Variants in SDHAF3 observed in about 807,000 individuals in gnomAD.
SDHAF3 encodes the protein succinate dehydrogenase assembly factor 3, mitochondrial.
Under a neutral mutation model 11.5 loss-of-function variants are expected in SDHAF3, and 18 were observed. The ratio of observed to expected loss-of-function variants is 1.56; its 90% confidence interval spans 1.08 to 2.32. SDHAF3 has a LOEUF of 2.32. SDHAF3 is among the 30% of genes most tolerant of loss of function. SDHAF3 has a pLI of 0.00. For synonymous variants in SDHAF3, 72 were observed against 59.3 expected (o/e 1.21, Z -0.99); for missense variants, 200 against 154.4 (o/e 1.30, Z -1.57).
chr7:97,148,929 T>TA (rs1789175694), intron 1 of SDHAF3, among the ~76,000 whole-genome samples: 2 of 147,582 alleles, frequency 1.4e-5, no homozygotes, highest in African/African-American at 5.0e-5. Flanking sequence ...TAGATTTGTG[T>TA]CTTTTTTTTT....
chr7:97,123,766 T>C (rs1449991636), intron 1 of SDHAF3, among the ~76,000 whole-genome samples: 6 of 151,480 alleles, frequency 4.0e-5, no homozygotes, highest in South Asian at 2.1e-4. Flanking sequence ...GCTTTTCTTA[T>C]GTTTGTTTAC....
chr7:97,130,707 G>T (rs2115635177), intron 1 of SDHAF3, among the ~76,000 whole-genome samples: 1 of 152,338 alleles, frequency 6.6e-6, no homozygotes, highest in South Asian at 2.1e-4. Flanking sequence ...GGAAGAATAG[G>T]GTTATGGGGA....
chr7:97,125,374 T>G (rs1791559795), intron 1 of SDHAF3, among the ~76,000 whole-genome samples: 1 of 152,212 alleles, frequency 6.6e-6, no homozygotes, highest in Non-Finnish European at 1.5e-5. Context: ...GTGCTATAAA[T>G]TTCCCTCTAA....
rs187773830 is a variant in SDHAF3, at chr7:97,159,706, C to T, written c.175-21306C>T. On this transcript the variant is annotated intron_variant, in intron 1 of 1. Coordinates refer to ENST00000432641, the MANE Select transcript of SDHAF3 (RefSeq NM_020186.3). Reference sequence around the variant, plus strand: ...GGCTGATGTCTTCAAGGCCACTGGTCATCTGGGGAACATGGAAGTAGATAA... The same window carrying T: ...GGCTGATGTCTTCAAGGCCACTGGTTATCTGGGGAACATGGAAGTAGATAA... 1.7e-4 allele frequency among the ~76,000 whole-genome samples: 26 copies of T among 152,200 alleles called. No homozygotes were observed. The East Asian group carries it at 5.0e-3, about 29-fold the overall frequency.
intron 1 of SDHAF3, among the ~76,000 whole-genome samples, chr7:97,163,072 C>CA (rs972082123): frequency 4.0e-5 from 6 of 151,308 alleles, no homozygotes; most frequent in African/African-American, 1.5e-4. Flanking sequence ...AATTTGGGTG[C>CA]ATATATATTT....
intron 1 of SDHAF3, among the ~76,000 whole-genome samples, chr7:97,174,810 A>C (rs1390787625): frequency 6.6e-6 from 1 of 152,118 alleles, no homozygotes; most frequent in Non-Finnish European, 1.5e-5. Flanking sequence ...TGATCATTTC[A>C]TTGAGGTGGT....
chr7:97,175,212 GAAGT>G lies in SDHAF3; in HGVS notation c.175-5797_175-5794del, dbSNP rs1459850282. On this transcript the variant is annotated intron_variant, in intron 1 of 1. Transcript: ENST00000432641. ...TAATAGATAAATGAGTTCTAAAATT[GAAGT>G]AATTTAAGATAATTTATAATTTGAT... 2.6e-5 allele frequency among the ~76,000 whole-genome samples: 4 copies of G among 152,042 alleles called. No homozygotes were observed. The East Asian group carries it at 7.7e-4, about 29-fold the overall frequency.
At chr7:97,156,139 A>G (rs528523404) in intron 1 of SDHAF3, among the ~76,000 whole-genome samples, 1 of 152,278 alleles carries the variant, frequency 6.6e-6, no homozygotes, top group East Asian at 1.9e-4. Flanking sequence ...CACCCAGGAG[A>G]TCACATTATA....
intron 1 of SDHAF3, among the ~76,000 whole-genome samples, chr7:97,128,043 G>T (rs1791603725): frequency 6.6e-6 from 1 of 151,624 alleles, no homozygotes. Context: ...TGGGATTACA[G>T]GCGTCCACCA....
At chr7:97,162,342 C>T (rs559658423) in intron 1 of SDHAF3, among the ~76,000 whole-genome samples, 1 of 152,188 alleles carries the variant, frequency 6.6e-6, no homozygotes, top group South Asian at 2.1e-4. Context: ...CTCCTGGCTT[C>T]ATTGATTTTT....
At chr7:97,131,707 C>A (rs2115637804) in intron 1 of SDHAF3, among the ~76,000 whole-genome samples, 1 of 152,108 alleles carries the variant, frequency 6.6e-6, no homozygotes, top group African/African-American at 2.4e-5. Context: ...TGTGATTGGT[C>A]ACATTAATAT....
chr7:97,156,069 A>C (rs1051018868), intron 1 of SDHAF3, among the ~76,000 whole-genome samples: 3 of 152,164 alleles, frequency 2.0e-5, no homozygotes, highest in Non-Finnish European at 4.4e-5. Flanking sequence ...CATTTAGCCT[A>C]GTCTTTATTC....
chr7:97,118,524 C>T (rs1562817929), intron 1 of SDHAF3, among the ~76,000 whole-genome samples: 1 of 149,452 alleles, frequency 6.7e-6, no homozygotes. Context: ...TAAACAGACA[C>T]ATGCATTAGC....
At chr7:97,122,738 G>A (rs1791520872) in intron 1 of SDHAF3, among the ~76,000 whole-genome samples, 1 of 152,138 alleles carries the variant, frequency 6.6e-6, no homozygotes, top group African/African-American at 2.4e-5. Flanking sequence ...GTGTTGGTCT[G>A]ATACTCAGGA....
At chr7:97,153,653 T>C (rs1360814317) in intron 1 of SDHAF3, among the ~76,000 whole-genome samples, 2 of 152,262 alleles carry the variant, frequency 1.3e-5, no homozygotes, top group Admixed American at 6.5e-5. Flanking sequence ...TGTACCATTT[T>C]ACATTTCCAC....
chr7:97,123,839 A>T (rs1384844142), intron 1 of SDHAF3, among the ~76,000 whole-genome samples: 4 of 116,270 alleles, frequency 3.4e-5, no homozygotes, highest in African/African-American at 9.3e-5. Context: ...CCACTTTTGG[A>T]TGGGTTTTTT....
rs771893853 is a variant in SDHAF3 at position 97,117,715 on chromosome 7, T to A, written c.-9T>A. 6.2e-7 allele frequency: 1 copy of A among 1,609,470 alleles called. No homozygotes were observed. Among genetic ancestry groups the A allele is most frequent in the Non-Finnish European group, 8.5e-7 (1 of 1,177,572 alleles). ...GCGCAGGCGCAGTCGGCGGTCGGCGTGGGGCGCTATGCCGGGGCGGCACGT... is the reference window on the plus strand; with the variant it reads ...GCGCAGGCGCAGTCGGCGGTCGGCGAGGGGCGCTATGCCGGGGCGGCACGT... On this transcript the variant is annotated 5_prime_UTR_variant, in exon 1 of 2. Transcript: ENST00000432641.
chr7:97,149,283 C>T lies in SDHAF3; in HGVS notation c.174+31386C>T, dbSNP rs544957107. On this transcript the variant is annotated intron_variant, in intron 1 of 1. Transcript: ENST00000432641. The stretch of plus-strand genomic sequence containing the variant: ...ATTTAGTCTGTGAGATTGGAGTAGT[C>T]TCCATGTTGCATGTTTATTATCAAC... Among the ~76,000 whole-genome samples, 4 of 152,114 alleles carry T rather than the reference C, an allele frequency of 2.6e-5. No homozygotes were observed. The South Asian group carries it at 8.3e-4, about 32-fold the overall frequency.
intron 1 of SDHAF3, among the ~76,000 whole-genome samples, chr7:97,154,630 T>C (rs987044266): frequency 6.6e-6 from 1 of 152,224 alleles, no homozygotes; most frequent in Admixed American, 6.5e-5. Flanking sequence ...TAAATTTTGA[T>C]GAAACCCAGT....
Sources: allele counts gnomAD v4.1 joint callset (sites outside exome capture counted in the v4.1 genomes callset), GRCh38; gene constraint gnomAD v4.1.1; transcripts MANE v1.5; gene names NCBI Gene and HGNC (gene_info 2026-07-23, HGNC 2026-07-21).